The following DNAH14 variants were observed in gnomAD, a reference collection of about 807,000 sequenced individuals.
DNAH14 encodes the protein dynein axonemal heavy chain 14.
In DNAH14, 478 loss-of-function variants were observed where a neutral mutation model predicts 520.9. That is an observed-to-expected ratio of 0.92 (90% CI 0.85 to 0.99). The LOEUF is 0.99. Ranked by LOEUF, DNAH14 falls within the 50% of genes least tolerant of loss-of-function variation. The pLI is 0.00. For missense variants in DNAH14, 4,831 were observed against 5,234.5 expected (o/e 0.92, Z 2.38); for synonymous variants, 1,581 against 1,757.2 (o/e 0.90, Z 2.51).
intron 71 of DNAH14, 52 bp downstream of exon 71, chr1:225,346,706 T>C: frequency 1.4e-6 from 2 of 1,407,534 alleles, no homozygotes; most frequent in East Asian, 5.0e-5. Context: ...AAAAGTGTGT[T>C]TCCTTCCTCT....
At chr1:224,953,006 C>A in intron 2 of DNAH14, 1 of 298,758 alleles carries the variant, frequency 3.3e-6, no homozygotes, top group Non-Finnish European at 6.3e-6. Context: ...TTGGATATGC[C>A]AAAAAAGTGA....
chr1:225,381,829 T>C (rs1303717918), intron 81 of DNAH14, among the ~76,000 whole-genome samples: 1 of 152,244 alleles, frequency 6.6e-6, no homozygotes, highest in Non-Finnish European at 1.5e-5. Flanking sequence ...GCAGTTCATG[T>C]CAAAGTAGGT....
intron 31 of DNAH14, chr1:225,151,788 T>C (rs2080525277): frequency 6.1e-6 from 4 of 650,584 alleles, no homozygotes; most frequent in African/African-American, 3.7e-5. Flanking sequence ...TCTTTGGACA[T>C]AATCAAATAC....
chr1:225,065,223 A>G (rs1414950687), intron 17 of DNAH14, among the ~76,000 whole-genome samples: 3 of 151,870 alleles, frequency 2.0e-5, no homozygotes, highest in African/African-American at 7.2e-5. Flanking sequence ...GGGGTTTTAC[A>G]TTGTTGTATA....
chr1:224,950,124 A>T (rs2060080072), intron 1 of DNAH14, among the ~76,000 whole-genome samples: 1 of 152,014 alleles, frequency 6.6e-6, no homozygotes. Flanking sequence ...TTCAATACTC[A>T]TATTTAGATT....
At chr1:224,934,431 A>G (rs547571899) in intron 1 of DNAH14, among the ~76,000 whole-genome samples, 6 of 152,048 alleles carry the variant, frequency 3.9e-5, no homozygotes, top group African/African-American at 1.4e-4. Flanking sequence ...TAAATCAGGT[A>G]GAAAAAAGAA....
chr1:225,055,694 C>T (rs1230207467), intron 17 of DNAH14, among the ~76,000 whole-genome samples: 1 of 139,622 alleles, frequency 7.2e-6, no homozygotes, highest in East Asian at 2.1e-4. Flanking sequence ...CCCTCCCCCA[C>T]CACACAATAG....
intron 21 of DNAH14, among the ~76,000 whole-genome samples, chr1:225,095,649 A>T (rs138212119): frequency 1.8e-3 from 269 of 152,350 alleles, no homozygotes; most frequent in African/African-American, 4.0e-3. Flanking sequence ...CCTAAAAGTT[A>T]TACAGAAAAA....
At position 225,205,938 on chromosome 1, in the gene DNAH14, T is replaced by C. The variant is rs1188989009; in HGVS notation, c.5978-33T>C. The C allele has an allele frequency of 2.7e-6, 4 of 1,488,634 alleles. No individual in the cohort carries two copies. The East Asian group carries it at 7.4e-5, about 28-fold the overall frequency. The allele number at this position is 1,488,634 out of a possible 1,614,324, so 92.2% of individuals were successfully genotyped here. ...TGTAATGAAAGATGACGGACATTAG[T>C]CTCAGTTACATTAAAAATATTTTTC... is the stretch of plus-strand genomic sequence containing the variant. On this transcript the variant is annotated intron_variant, in intron 39 of 85. Transcript: ENST00000682510.
chr1:225,170,683 C>T (rs1462564327), intron 36 of DNAH14, among the ~76,000 whole-genome samples: 1 of 152,096 alleles, frequency 6.6e-6, no homozygotes, highest in Admixed American at 6.5e-5. Context: ...GACTTTAATA[C>T]CCCACTGTCA....
chr1:225,163,137 C>CAAAAA (rs34356854), intron 35 of DNAH14, among the ~76,000 whole-genome samples: 4 of 53,674 alleles, frequency 7.5e-5, no homozygotes, highest in South Asian at 8.4e-4. Context: ...GACCCTATCT[C>CAAAAA]AAAAAAAAAA....
At chr1:225,193,008 T>C in intron 38 of DNAH14, 97 bp downstream of exon 38, 1 of 925,164 alleles carries the variant, frequency 1.1e-6, no homozygotes, top group Non-Finnish European at 1.5e-6. Context: ...AGACATCTAT[T>C]AGTGTAAAAG....
intron 77 of DNAH14, among the ~76,000 whole-genome samples, chr1:225,368,700 TA>T (rs914215900): frequency 4.9e-4 from 73 of 149,800 alleles, no homozygotes; most frequent in South Asian, 1.3e-3. Context: ...TACAACAATT[TA>T]AAAAAAAAAC....
At chr1:225,313,079 T>C (rs905020791) in intron 60 of DNAH14, among the ~76,000 whole-genome samples, 2 of 152,210 alleles carry the variant, frequency 1.3e-5, no homozygotes, top group African/African-American at 4.8e-5. Context: ...TCCTGGGCTG[T>C]TTTTTCAGTT....
In DNAH14 at chr1:225,392,353, A is replaced by G; in HGVS notation, c.13393A>G (p.Thr4465Ala). 6.4e-7 allele frequency: 1 copy of G among 1,552,322 alleles called. No homozygotes were observed. Among genetic ancestry groups the G allele is most frequent in the Non-Finnish European group, 8.7e-7 (1 of 1,147,138 alleles). Residue 4465 changes from threonine (T) to alanine (A), a missense_variant, in exon 84 of 86, where the codon ACC (threonine) becomes GCC (alanine). Thr to Ala is a moderately conservative substitution (Grantham distance 58). Coordinates refer to ENST00000682510, the MANE Select transcript of DNAH14 (RefSeq NM_001367479.1). ...CCGAGGAATCGCTGTGGATGCCCTC[A>G]CCTTCACCCACCATGTGATTTCCAA... ...RSRGIAVDAL[T>A]FTHHVISNTT...
intron 17 of DNAH14, among the ~76,000 whole-genome samples, chr1:225,072,415 A>G (rs999836231): frequency 6.6e-6 from 1 of 151,878 alleles, no homozygotes; most frequent in African/African-American, 2.4e-5. Flanking sequence ...TTTACTGGCT[A>G]TTTTGTCTGT....
intron 41 of DNAH14, among the ~76,000 whole-genome samples, chr1:225,229,413 A>T (rs2090883094): frequency 6.6e-6 from 1 of 152,238 alleles, no homozygotes; most frequent in Non-Finnish European, 1.5e-5. Flanking sequence ...CAATCCCATT[A>T]CTGGGTATAT....
chr1:225,369,170 GA>G (rs2095587496), intron 77 of DNAH14, among the ~76,000 whole-genome samples: 1 of 151,636 alleles, frequency 6.6e-6, no homozygotes. Context: ...ATTTGATCAA[GA>G]TATCAAAATA....
chr1:225,392,824 C>T (rs894655675), intron 84 of DNAH14, among the ~76,000 whole-genome samples: 8 of 152,332 alleles, frequency 5.3e-5, no homozygotes, highest in Middle Eastern at 3.4e-3. Context: ...CCCCAGCAAC[C>T]GACTTATTCC....
Sources: allele counts gnomAD v4.1 joint callset (sites outside exome capture counted in the v4.1 genomes callset), GRCh38; gene constraint gnomAD v4.1.1; transcripts MANE v1.5; gene names NCBI Gene and HGNC (gene_info 2026-07-23, HGNC 2026-07-21).